AFF1: variants seen among roughly 807,000 people sequenced by gnomAD.
AFF1 encodes the protein AF4/FMR2 family member 1.
AFF1 carries 48 observed loss-of-function variants against 121.7 expected under a neutral mutation model. The observed-to-expected ratio is 0.39, with a 90% CI of 0.31 to 0.50. The LOEUF is 0.50. Ranked by LOEUF, AFF1 falls within the 20% of genes least tolerant of loss-of-function variation. The probability of loss-of-function intolerance (pLI) is 0.76; values close to 1 mark genes in which losing one functional copy is unlikely to be tolerated. For missense variants in AFF1, 1,523 were observed against 1,511.7 expected (o/e 1.01, Z -0.12); for synonymous variants, 613 against 563.0 (o/e 1.09, Z -1.26).
In AFF1 at chr4:87,114,755, C is replaced by G; in HGVS notation, c.1922C>G (p.Ser641Cys). 1 of 1,613,482 alleles carries G rather than the reference C, an allele frequency of 6.2e-7. No homozygotes were observed. The highest frequency in any genetic ancestry group is 1.1e-5 in the South Asian group (1 of 91,062). The change falls in exon 12 of 21, where the codon TCC becomes TGC. Residue 641 changes from serine to cysteine, a missense_variant. Physicochemically the swap from Ser to Cys is moderately radical, Grantham distance 112. This residue lies in a region of AFF1 where 905 missense variants were observed against 842.5 expected (regional missense o/e 1.07). Transcript: ENST00000395146. ...GAGCCAGGGCTTCTTCCCTATGGCT[C>G]CCGAGACCAGACTTCCAAAGACAAG... ...EREPGLLPYG[S>C]RDQTSKDKPK...
intron 1 of AFF1, among the ~76,000 whole-genome samples, chr4:86,944,467 C>T (rs530633571): frequency 2.6e-4 from 39 of 151,936 alleles, no homozygotes; most frequent in African/African-American, 8.2e-4. Context: ...CCCAGGTTCA[C>T]GCCATTCTCC....
In AFF1 at chr4:87,006,847, C is replaced by A. The variant is rs1207945303; in HGVS notation, c.39-39319C>A. ...TCGGCGCCCAGGCTCTGCCCCCTAC[C>A]CGACCCTGCCTGCCGCTTGCCGCCT... On this transcript the variant is annotated intron_variant, in intron 2 of 20. Transcript: ENST00000395146. 4.8e-5 allele frequency: 28 copies of A among 581,798 alleles called. 1 individual carries two copies. The East Asian group carries it at 2.3e-3, about 49-fold the overall frequency. The allele number at this position is 581,798 out of a possible 1,614,324, so 36.0% of individuals were successfully genotyped here.
intron 2 of AFF1, among the ~76,000 whole-genome samples, chr4:87,027,784 GTTT>G (rs35903702): frequency 0.037 from 3,366 of 90,250 alleles, 27 homozygotes; most frequent in African/African-American, 0.092. Flanking sequence ...TTGCTGTTGG[GTTT>G]TTTTTTTTTT....
chr4:87,047,280 C>A lies in AFF1; in HGVS notation c.745C>A (p.Pro249Thr), dbSNP rs374049092. 1 of 1,614,086 alleles carries A rather than the reference C, an allele frequency of 6.2e-7. No homozygotes were observed. The change falls in exon 4 of 21, where the codon CCA (proline) becomes ACA (threonine). Residue 249 changes from proline to threonine, a missense_variant. By Grantham distance (38) the Pro-to-Thr change is conservative. This residue lies in a region of AFF1 where 369 missense variants were observed against 367.2 expected (regional missense o/e 1.00). Coordinates refer to ENST00000395146, the MANE Select transcript of AFF1 (RefSeq NM_001166693.3). ...CAGCAATAACAGTAAAGGCTATTGC[C>A]CAGCCAAATCTCCCAAGGACCTAGC... Reference protein sequence around the residue: ...GSSNNSKGYCPAKSPKDLAVK... With the variant: ...GSSNNSKGYCTAKSPKDLAVK...
chr4:86,965,370 G>A (rs1316250162), intron 2 of AFF1, among the ~76,000 whole-genome samples: 1 of 152,212 alleles, frequency 6.6e-6, no homozygotes, highest in Non-Finnish European at 1.5e-5. Flanking sequence ...TCTCACAGCA[G>A]TGTTTTTGTC....
intron 2 of AFF1, among the ~76,000 whole-genome samples, chr4:86,999,108 C>T (rs970251626): frequency 1.3e-5 from 2 of 152,214 alleles, no homozygotes; most frequent in Non-Finnish European, 1.5e-5. Context: ...ACTACTCCTT[C>T]GCACTCACTG....
rs959965972 is a variant in AFF1 at position 87,137,738 on chromosome 4, G to A, written c.*2037G>A. ...TCCATCTGTTATATGTAAAGGACAA[G>A]GCACCAGAATCAGGCTTTATTTCGA... On this transcript the variant is annotated 3_prime_UTR_variant, in exon 21 of 21. Coordinates refer to ENST00000395146, the MANE Select transcript of AFF1 (RefSeq NM_001166693.3). 8.6e-6 allele frequency: 2 copies of A among 232,552 alleles called. No individual in the cohort carries two copies. Among genetic ancestry groups the A allele is most frequent in the Non-Finnish European group, 1.7e-5 (2 of 117,694 alleles). The allele number at this position is 232,552 out of a possible 1,614,324, so 14.4% of individuals were successfully genotyped here.
Position 87,046,999 on chromosome 4 carries a change from C to A in AFF1, c.464C>A (p.Ala155Asp), listed in dbSNP as rs534195282. ...PRTEPMPSLH[A>D]KSCGPPDSQH... Reference sequence around the variant, plus strand: ...ACTGAACCAATGCCAAGTCTCCATGCCAAAAGCTGCGGCCCACCGGACAGC... The same window carrying A: ...ACTGAACCAATGCCAAGTCTCCATGACAAAAGCTGCGGCCCACCGGACAGC... Residue 155 changes from alanine to aspartate, a missense_variant, in exon 4 of 21, where the codon GCC (alanine) becomes GAC (aspartate). By Grantham distance (126) the Ala-to-Asp change is moderately radical. Around this residue, in one of 5 missense-constraint regions of AFF1, gnomAD observed 369 missense variants for 367.2 expected, o/e 1.00. Transcript: ENST00000395146. 29 of 1,614,136 alleles carry A rather than the reference C, an allele frequency of 1.8e-5. No homozygotes were observed. Among genetic ancestry groups the A allele is most frequent in the Non-Finnish European group, 2.4e-5 (28 of 1,180,024 alleles).
At chr4:87,066,725 T>C (rs1721386016) in intron 4 of AFF1, among the ~76,000 whole-genome samples, 1 of 152,230 alleles carries the variant, frequency 6.6e-6, no homozygotes, top group South Asian at 2.1e-4. Flanking sequence ...TCTTGTCTAA[T>C]AAATGGCTTG....
At chr4:87,049,840 C>T in intron 4 of AFF1, 1 of 435,672 alleles carries the variant, frequency 2.3e-6, no homozygotes, top group South Asian at 1.6e-5. Flanking sequence ...AATTAGGAGC[C>T]AAGAGCATGG....
intron 2 of AFF1, among the ~76,000 whole-genome samples, chr4:86,971,664 A>AG (rs1185190191): frequency 6.6e-6 from 1 of 152,234 alleles, no homozygotes; most frequent in Non-Finnish European, 1.5e-5. Flanking sequence ...GAGCTATTAG[A>AG]TAAATAGCAA....
At chr4:87,122,020 AG>A (rs1184539086) in intron 12 of AFF1, among the ~76,000 whole-genome samples, 1 of 152,258 alleles carries the variant, frequency 6.6e-6, no homozygotes. Context: ...TTCTTTAAGA[AG>A]TAGCCTTGTT....
intron 2 of AFF1, among the ~76,000 whole-genome samples, chr4:86,990,966 A>G (rs1002805918): frequency 1.3e-5 from 2 of 151,886 alleles, no homozygotes; most frequent in Non-Finnish European, 2.9e-5. Context: ...AGCCTGGCCA[A>G]CGTAGTGAAA....
chr4:87,008,004 C>G (rs932331679), intron 2 of AFF1, among the ~76,000 whole-genome samples: 1 of 152,158 alleles, frequency 6.6e-6, no homozygotes, highest in Non-Finnish European at 1.5e-5. Context: ...ACTGCAGTTG[C>G]TGTCAGAGGA....
At chr4:87,010,001 T>C (rs1726573335) in intron 2 of AFF1, among the ~76,000 whole-genome samples, 1 of 152,252 alleles carries the variant, frequency 6.6e-6, no homozygotes, top group Non-Finnish European at 1.5e-5. Context: ...ATGGGTGATA[T>C]ATGACTAATT....
At chr4:87,037,466 C>T (rs554372901) in intron 2 of AFF1, among the ~76,000 whole-genome samples, 28 of 152,086 alleles carry the variant, frequency 1.8e-4, no homozygotes, top group Middle Eastern at 3.2e-3. Context: ...CACACACCAC[C>T]ACACCCGGCC....
At chr4:87,132,816 G>A (rs1319695342) in intron 19 of AFF1, among the ~76,000 whole-genome samples, 2 of 152,150 alleles carry the variant, frequency 1.3e-5, no homozygotes. Context: ...TCAGCCTCCC[G>A]AGTAGCTGGG....
At chr4:87,135,104 T>C (rs1729189055) in intron 20 of AFF1, among the ~76,000 whole-genome samples, 1 of 152,190 alleles carries the variant, frequency 6.6e-6, no homozygotes, top group African/African-American at 2.4e-5. Flanking sequence ...TTAGTATATG[T>C]TAAGAAAGAT....
Position 87,135,264 on chromosome 4 carries a change from C to CT in AFF1, c.3536-315dup, listed in dbSNP as rs574858345. On this transcript the variant is annotated intron_variant, in intron 20 of 20. Transcript: ENST00000395146. The stretch of plus-strand genomic sequence containing the variant: ...GACATAGAGCCTCTTAGGGCCTTAT[C>CT]TGTCTTATCAAACTGATAATGCTTT... Among the ~76,000 whole-genome samples, 71 of 152,250 alleles carry CT rather than the reference C, an allele frequency of 4.7e-4. 1 individual carries two copies. The South Asian group carries it at 0.015, about 31-fold the overall frequency.
Sources: gnomAD v4.1 joint callset for allele counts (sites outside exome capture counted in the v4.1 genomes callset) on GRCh38, gnomAD v4.1.1 for gene constraint, gnomAD v4.1.1 regional missense constraint, MANE v1.5 for transcripts, NCBI Gene and HGNC (gene_info 2026-07-23, HGNC 2026-07-21) for gene names.